Variants in FBXL13 observed in about 807,000 individuals in gnomAD.
The protein encoded by FBXL13 is F-box and leucine rich repeat protein 13, also known as F-box and leucine-rich repeat protein 13.
Under a neutral mutation model 83.6 loss-of-function variants are expected in FBXL13, and 67 were observed. The ratio of observed to expected loss-of-function variants is 0.80; its 90% CI spans 0.66 to 0.98. FBXL13 has a LOEUF of 0.98. FBXL13 is among the 50% of genes least tolerant of loss of function. FBXL13 has a pLI of 0.00. For synonymous variants in FBXL13, 272 were observed against 299.5 expected (o/e 0.91, Z 0.95); for missense variants, 822 against 866.5 (o/e 0.95, Z 0.64).
intron 10 of FBXL13, among the ~76,000 whole-genome samples, chr7:102,921,198 A>G (rs1292609994): frequency 6.6e-6 from 1 of 152,166 alleles, no homozygotes; most frequent in East Asian, 1.9e-4. Context: ...AGCATAAAGA[A>G]TATCATTTTA....
At chr7:102,884,112 A>G in intron 12 of FBXL13, 102 bp downstream of exon 13, 1 of 846,748 alleles carries the variant, frequency 1.2e-6, no homozygotes. Flanking sequence ...TTTTAAAATA[A>G]CTAAAATGAA....
rs1386049356 is a variant in FBXL13 at position 102,883,586 on chromosome 7, T to C, written c.1207A>G (p.Arg403Gly). ...AACAGACCTTCAAATCGGATCTTTC[T>C]GAGTTTACAAGCAGAAAGAGCTCTG... Residue 403 changes from arginine to glycine, a missense_variant, in exon 13 of 20, where the codon AGA becomes GGA. Physicochemically the swap from Arg to Gly is moderately radical, Grantham distance 125. Transcript: ENST00000313221. 5.6e-6 allele frequency: 9 copies of C among 1,609,986 alleles called. 1 individual carries two copies. The highest frequency in any genetic ancestry group is 3.3e-5 in the South Asian group (3 of 90,602).
At chr7:103,059,133 G>A (rs1003227614) in intron 1 of FBXL13, among the ~76,000 whole-genome samples, 2 of 152,138 alleles carry the variant, frequency 1.3e-5, no homozygotes, top group African/African-American at 2.4e-5. Flanking sequence ...AGCTGAGCAT[G>A]GTGGCGTGTG....
intron 6 of FBXL13, among the ~76,000 whole-genome samples, chr7:102,980,731 C>A (rs1027387351): frequency 6.6e-6 from 1 of 151,548 alleles, no homozygotes; most frequent in African/African-American, 2.4e-5. Flanking sequence ...GAGCTGAGAT[C>A]GTGCCACTGC....
At chr7:102,830,185 C>T (rs1334081713) in intron 18 of FBXL13, among the ~76,000 whole-genome samples, 1 of 152,172 alleles carries the variant, frequency 6.6e-6, no homozygotes, top group Non-Finnish European at 1.5e-5. Context: ...TTCCCTCAGC[C>T]TTCATAACAA....
chr7:102,905,735 C>T (rs1052465806), intron 11 of FBXL13, among the ~76,000 whole-genome samples: 1 of 151,998 alleles, frequency 6.6e-6, no homozygotes, highest in Non-Finnish European at 1.5e-5. Context: ...GCAATTTTCT[C>T]TGGTGATATT....
At chr7:102,878,246 A>G in intron 15 of FBXL13, 85 bp downstream of exon 16, 1 of 1,212,232 alleles carries the variant, frequency 8.2e-7, no homozygotes, top group Non-Finnish European at 1.1e-6. Context: ...AAATGTCATG[A>G]AATCTTTGCT....
At chr7:102,900,567 A>C (rs1400298138) in intron 11 of FBXL13, among the ~76,000 whole-genome samples, 1 of 152,224 alleles carries the variant, frequency 6.6e-6, no homozygotes, top group Non-Finnish European at 1.5e-5. Flanking sequence ...CTATTTTTGT[A>C]CTACACCCAG....
intron 18 of FBXL13, among the ~76,000 whole-genome samples, chr7:102,823,483 AAAT>A (rs1799094413): frequency 6.6e-6 from 1 of 152,212 alleles, no homozygotes; most frequent in Non-Finnish European, 1.5e-5. Flanking sequence ...GAGACTACAC[AAAT>A]CCCGCTCTGA....
chr7:102,935,436 C>T (rs1254801534), intron 8 of FBXL13, among the ~76,000 whole-genome samples: 1 of 151,680 alleles, frequency 6.6e-6, no homozygotes, highest in Non-Finnish European at 1.5e-5. Flanking sequence ...TTCCAAATTA[C>T]CCAGAATAAA....
At chr7:102,906,268 C>T (rs1466798243) in intron 11 of FBXL13, among the ~76,000 whole-genome samples, 1 of 152,194 alleles carries the variant, frequency 6.6e-6, no homozygotes, top group Non-Finnish European at 1.5e-5. Context: ...CCCCCTGCCC[C>T]ACTTTTTAAC....
intron 6 of FBXL13, among the ~76,000 whole-genome samples, chr7:103,006,890 AT>A: frequency 6.6e-6 from 1 of 152,238 alleles, no homozygotes; most frequent in East Asian, 1.9e-4. Context: ...GGGAAGTGGG[AT>A]TTTAAAAATG....
chr7:102,955,464 A>G (rs113285030), intron 8 of FBXL13, among the ~76,000 whole-genome samples: 3,750 of 152,210 alleles, frequency 0.025, 167 homozygotes, highest in East Asian at 0.16. Context: ...ACACCCTAAC[A>G]TCACAATTAA....
chr7:102,985,951 C>T (rs1396339012), intron 6 of FBXL13, among the ~76,000 whole-genome samples: 1 of 152,008 alleles, frequency 6.6e-6, no homozygotes, highest in Non-Finnish European at 1.5e-5. Flanking sequence ...CATGTGTGAA[C>T]AGTGCCTAGA....
intron 2 of FBXL13, among the ~76,000 whole-genome samples, chr7:103,037,466 C>G (rs1002114942): frequency 6.6e-6 from 1 of 152,012 alleles, no homozygotes; most frequent in Non-Finnish European, 1.5e-5. Context: ...TTTTTTTACA[C>G]GATGCTCCTC....
chr7:103,003,057 C>T (rs1311977184), intron 6 of FBXL13, among the ~76,000 whole-genome samples: 1 of 152,012 alleles, frequency 6.6e-6, no homozygotes, highest in Non-Finnish European at 1.5e-5. Flanking sequence ...AGAGGTTATT[C>T]TCTATATCTT....
At chr7:102,939,065 C>G (rs914203204) in intron 8 of FBXL13, among the ~76,000 whole-genome samples, 8 of 152,204 alleles carry the variant, frequency 5.3e-5, no homozygotes, top group Non-Finnish European at 7.3e-5. Context: ...CTGTCATCCA[C>G]CTTCATGTCC....
chr7:103,024,389 G>A (rs933029891), intron 6 of FBXL13, among the ~76,000 whole-genome samples: 29 of 151,698 alleles, frequency 1.9e-4, no homozygotes, highest in Admixed American at 1.1e-3. Flanking sequence ...TTAGCTGGGC[G>A]TAGTGGTGGG....
intron 10 of FBXL13, among the ~76,000 whole-genome samples, chr7:102,917,789 C>T (rs145986555): frequency 1.4e-4 from 22 of 152,288 alleles, no homozygotes; most frequent in African/African-American, 5.3e-4. Flanking sequence ...AGACCAGAGG[C>T]AGCACCACCA....
Sources: gnomAD v4.1 joint callset for allele counts (sites outside exome capture counted in the v4.1 genomes callset) on GRCh38, gnomAD v4.1.1 for gene constraint, MANE v1.5 for transcripts, NCBI Gene and HGNC (gene_info 2026-07-23, HGNC 2026-07-21) for gene names.